The following PDE1A variants were observed in gnomAD, a reference collection of about 807,000 sequenced individuals.
The protein encoded by PDE1A is dual specificity calcium/calmodulin-dependent 3',5'-cyclic nucleotide phosphodiesterase 1A.
PDE1A carries 35 observed loss-of-function variants against 61.7 expected under a neutral mutation model. The ratio of observed to expected loss-of-function variants is 0.57; its 90% CI spans 0.43 to 0.75. PDE1A has a LOEUF of 0.75. PDE1A is among the 30% of genes least tolerant of loss of function. The pLI is 0.00. For synonymous variants in PDE1A, 232 were observed against 213.2 expected (o/e 1.09, Z -0.77); for missense variants, 597 against 630.6 (o/e 0.95, Z 0.57).
At chr2:182,512,158 A>G (rs1335485933) in intron 2 of PDE1A, among the ~76,000 whole-genome samples, 1 of 152,150 alleles carries the variant, frequency 6.6e-6, no homozygotes, top group Non-Finnish European at 1.5e-5. Flanking sequence ...CCCCACTGCT[A>G]CAACCTCAAT....
In PDE1A at chr2:182,295,057, C is replaced by CTTTTTTTTTTTTTTTTTTTT. The variant is rs11420821; in HGVS notation, c.54-30663_54-30644dup. ...ACGACCAATCAAAATAAAAGGTAAT[C>CTTTTTTTTTTTTTTTTTTTT]TTTTTTTTTTTTTTTTTTTTTTTTT... On this transcript the variant is annotated intron_variant, in intron 1 of 13. Coordinates refer to ENST00000351439, the Ensembl canonical transcript of PDE1A. Among the ~76,000 whole-genome samples the CTTTTTTTTTTTTTTTTTTTT allele has an allele frequency of 1.2e-4, 7 of 59,350 alleles. 2 individuals carry two copies. Among genetic ancestry groups the CTTTTTTTTTTTTTTTTTTTT allele is most frequent in the Non-Finnish European group, 1.8e-4 (6 of 33,744 alleles). 38.9% of individuals were successfully genotyped at this position (59,350 alleles called of 152,430 possible).
At chr2:182,305,443 A>G (rs1166154297) in intron 1 of PDE1A, among the ~76,000 whole-genome samples, 1 of 152,112 alleles carries the variant, frequency 6.6e-6, no homozygotes, top group Admixed American at 6.6e-5. Context: ...ATAAAAAGAG[A>G]CTGCTGACCA....
intron 13 of PDE1A, among the ~76,000 whole-genome samples, chr2:182,184,775 T>G (rs1441153743): frequency 6.6e-6 from 1 of 152,200 alleles, no homozygotes; most frequent in African/African-American, 2.4e-5. Context: ...AGGCCCATCT[T>G]ATTATCTCTA....
the PDE1A span, among the ~76,000 whole-genome samples, chr2:182,555,021 A>G: frequency 1.3e-5 from 2 of 152,214 alleles, no homozygotes; most frequent in South Asian, 2.1e-4. Context: ...CCTGTCAGTA[A>G]TATCTGTCTC....
At chr2:182,221,369 G>A (rs538277067) in intron 7 of PDE1A, among the ~76,000 whole-genome samples, 2 of 152,064 alleles carry the variant, frequency 1.3e-5, no homozygotes, top group Non-Finnish European at 2.9e-5. Context: ...AGTGATGAGC[G>A]ATCTTTAATT....
chr2:182,432,317 C>T (rs1304140066), intron 2 of PDE1A, among the ~76,000 whole-genome samples: 1 of 152,128 alleles, frequency 6.6e-6, no homozygotes, highest in African/African-American at 2.4e-5. Context: ...CAAGGTCATG[C>T]ATACCACCAG....
intron 2 of PDE1A, among the ~76,000 whole-genome samples, chr2:182,242,520 T>C (rs1046980632): frequency 6.6e-6 from 1 of 152,220 alleles, no homozygotes; most frequent in Non-Finnish European, 1.5e-5. Context: ...TGTGTCACCA[T>C]AGGTAGGTTA....
chr2:182,287,682 G>C (rs1334026252), intron 1 of PDE1A, among the ~76,000 whole-genome samples: 2 of 152,132 alleles, frequency 1.3e-5, no homozygotes, highest in African/African-American at 2.4e-5. Flanking sequence ...AAAGATACCT[G>C]TGGTTGAAAG....
intron 1 of PDE1A, among the ~76,000 whole-genome samples, chr2:182,285,551 G>A (rs1444143020): frequency 6.6e-6 from 1 of 152,116 alleles, no homozygotes; most frequent in Non-Finnish European, 1.5e-5. Context: ...AGAAAAAACT[G>A]AGAGAGTAGA....
chr2:182,254,277 TC>T (rs1379699709), intron 2 of PDE1A, among the ~76,000 whole-genome samples: 1 of 152,064 alleles, frequency 6.6e-6, no homozygotes, highest in Non-Finnish European at 1.5e-5. Flanking sequence ...ATTTTCACAC[TC>T]CACCTACAGG....
exon 15 of PDE1A, chr2:182,141,815 T>A: frequency 6.6e-6 from 1 of 152,216 alleles, no homozygotes; most frequent in East Asian, 1.9e-4. Context: ...TACTCCTGAT[T>A]CTTTCCAGCC....
intron 2 of PDE1A, among the ~76,000 whole-genome samples, chr2:182,468,544 C>A (rs1686819516): frequency 6.6e-6 from 1 of 151,876 alleles, no homozygotes; most frequent in Admixed American, 6.6e-5. Flanking sequence ...TGTCTTAAAC[C>A]CCTCAAAGTC....
At chr2:182,686,964 C>A in the PDE1A span, among the ~76,000 whole-genome samples, 1 of 152,192 alleles carries the variant, frequency 6.6e-6, no homozygotes, top group East Asian at 1.9e-4. Flanking sequence ...AACTTCAAGG[C>A]GGCAGCCAAG....
At chr2:182,361,150 C>A (rs536208029) in intron 1 of PDE1A, among the ~76,000 whole-genome samples, 11 of 152,078 alleles carry the variant, frequency 7.2e-5, no homozygotes, top group Non-Finnish European at 1.0e-4. Flanking sequence ...GTGTAAAGAT[C>A]TGAATCCAAT....
At chr2:182,367,046 C>T (rs1699874105) in intron 1 of PDE1A, among the ~76,000 whole-genome samples, 1 of 151,966 alleles carries the variant, frequency 6.6e-6, no homozygotes, top group South Asian at 2.1e-4. Context: ...ACACTGATCA[C>T]TAATGTAGTG....
At chr2:182,332,626 G>C (rs948738213) in intron 1 of PDE1A, among the ~76,000 whole-genome samples, 2 of 152,090 alleles carry the variant, frequency 1.3e-5, no homozygotes, top group Admixed American at 1.3e-4. Context: ...GCTGGAGTTT[G>C]CTGGGGAGCC....
At chr2:182,403,457 T>C (rs1196777058) in intron 1 of PDE1A, among the ~76,000 whole-genome samples, 1 of 151,390 alleles carries the variant, frequency 6.6e-6, no homozygotes, top group Non-Finnish European at 1.5e-5. Flanking sequence ...AAATTAGCCG[T>C]GCGTGGTGGC....
chr2:182,560,354 A>G, the PDE1A span, among the ~76,000 whole-genome samples: 1 of 151,220 alleles, frequency 6.6e-6, no homozygotes, highest in African/African-American at 2.4e-5. Flanking sequence ...GAGAATGATG[A>G]TTTCCAGTTT....
intron 1 of PDE1A, among the ~76,000 whole-genome samples, chr2:182,308,151 A>G (rs1695720524): frequency 1.3e-5 from 2 of 152,162 alleles, no homozygotes; most frequent in Non-Finnish European, 2.9e-5. Flanking sequence ...AAGTTTAACA[A>G]TTATAGCCTA....
Sources: allele counts gnomAD v4.1 joint callset (sites outside exome capture counted in the v4.1 genomes callset), GRCh38; gene constraint gnomAD v4.1.1; transcripts MANE v1.5; gene names NCBI Gene and HGNC (gene_info 2026-07-23, HGNC 2026-07-21).